The following CYFIP2 variants were observed in gnomAD, a reference collection of about 807,000 sequenced individuals.
The protein encoded by CYFIP2 is cytoplasmic FMR1-interacting protein 2.
Under a neutral mutation model 158.7 loss-of-function variants are expected in CYFIP2, and 29 were observed. The ratio of observed to expected loss-of-function variants is 0.18; its 90% confidence interval spans 0.14 to 0.25. The LOEUF (loss-of-function observed/expected upper bound fraction) is 0.25, where lower values mean the gene tolerates loss of function less well. Ranked by LOEUF, CYFIP2 falls within the 10% of genes least tolerant of loss-of-function variation. The pLI is 1.00. For synonymous variants in CYFIP2, 585 were observed against 617.6 expected (o/e 0.95, Z 0.78); for missense variants, 852 against 1,639.5 (o/e 0.52, Z 8.29).
chr5:157,327,548 G>A (rs901070645), intron 18 of CYFIP2, among the ~76,000 whole-genome samples: 2 of 147,548 alleles, frequency 1.4e-5, no homozygotes, highest in Non-Finnish European at 3.0e-5. Context: ...CTAGGTGACA[G>A]AGCAAGACTC....
chr5:157,311,704 A>G lies in CYFIP2; in HGVS notation c.1033A>G (p.Ile345Val). ...TQSSISPQYNICEQMVQIRDD... is the reference protein window; with the variant it reads ...TQSSISPQYNVCEQMVQIRDD... ...GAGCAGCATCAGCCCCCAGTACAAT[A>G]TCTGCGAGCAGATGGTTCAGATCCG... The change falls in exon 11 of 31, where the codon ATC becomes GTC. Residue 345 changes from isoleucine (I) to valine (V), a missense_variant. Transcript: ENST00000620254. The surrounding 1 kb of genome is among the most constrained non-coding windows in gnomAD (Gnocchi z 4.7). 1 of 1,610,962 alleles carries G rather than the reference A, an allele frequency of 6.2e-7. No individual in the cohort carries two copies.
intron 26 of CYFIP2, among the ~76,000 whole-genome samples, chr5:157,378,086 T>C (rs1765665220): frequency 6.6e-6 from 1 of 152,124 alleles, no homozygotes; most frequent in African/African-American, 2.4e-5. Context: ...TGGATAAGAC[T>C]GGGTAGAAAA....
At chr5:157,383,558 T>C in intron 28 of CYFIP2, 199 bp downstream of exon 28, 2 of 530,638 alleles carry the variant, frequency 3.8e-6, no homozygotes. Flanking sequence ...TGAGTGTTTC[T>C]TCTGTAGCCT....
rs537064320 is a variant in CYFIP2, at chr5:157,333,217, G to A, written c.2266-110G>A. ...TTCTCCAGGAAACCCCTCCCACCTG[G>A]CAGTCTCACTCCCACCTTGGTCCCC... On this transcript the variant is annotated intron_variant, in intron 20 of 30. Coordinates refer to ENST00000620254, the MANE Select transcript of CYFIP2 (RefSeq NM_001037333.3). The A allele has an allele frequency of 3.4e-5, 48 of 1,397,696 alleles. No homozygotes were observed. In the South Asian group the frequency reaches 5.2e-4, roughly 15 times the overall value. The allele number at this position is 1,397,696 out of a possible 1,614,324, so 86.6% of individuals were successfully genotyped here. A position where few individuals can be genotyped will look rare whatever the true frequency, so the allele number is the denominator to read the frequency against.
chr5:157,327,228 A>G (rs182503745), intron 18 of CYFIP2, among the ~76,000 whole-genome samples: 1 of 152,342 alleles, frequency 6.6e-6, no homozygotes, highest in East Asian at 1.9e-4. Context: ...TATGTAAGCA[A>G]AGTTTGAAGG....
In CYFIP2 at chr5:157,314,411, C is replaced by G; in HGVS notation, c.1178C>G (p.Ala393Gly). Residue 393 changes from alanine (A) to glycine (G), a missense_variant, in exon 12 of 31, where the codon GCC (alanine) becomes GGC (glycine). By Grantham distance (60) the Ala-to-Gly change is moderately conservative. Coordinates refer to ENST00000620254, the MANE Select transcript of CYFIP2 (RefSeq NM_001037333.3). ...DEEYRELFDLALRGLQLLSKW... is the reference protein window; with the variant it reads ...DEEYRELFDLGLRGLQLLSKW... ...GAGTATCGCGAGCTCTTCGACCTAG[C>G]CCTGCGGGGTCTGCAGCTTCTATCC... is the stretch of plus-strand genomic sequence containing the variant. 6.2e-7 allele frequency: 1 copy of G among 1,613,896 alleles called. No individual in the cohort carries two copies. The highest frequency in any genetic ancestry group is 8.5e-7 in the Non-Finnish European group (1 of 1,179,856).
chr5:157,268,782 G>A (rs564721411), intron 1 of CYFIP2, among the ~76,000 whole-genome samples: 1 of 152,312 alleles, frequency 6.6e-6, no homozygotes, highest in African/African-American at 2.4e-5. Context: ...CTTTATGAAA[G>A]GCTTTTGGTC....
chr5:157,377,733 G>T (rs7724362), intron 26 of CYFIP2, among the ~76,000 whole-genome samples: 11,373 of 152,160 alleles, frequency 0.075, 601 homozygotes, highest in Middle Eastern at 0.15. Context: ...AACCTTGTTG[G>T]GTATCTAGAT....
chr5:157,325,750 C>A, intron 17 of CYFIP2, 112 bp downstream of exon 17: 1 of 1,122,958 alleles, frequency 8.9e-7, no homozygotes, highest in Non-Finnish European at 1.2e-6. Context: ...AGAAATGAGG[C>A]CATATGTCCC....
At chr5:157,284,467 C>G (rs1757222590) in intron 1 of CYFIP2, among the ~76,000 whole-genome samples, 2 of 152,172 alleles carry the variant, frequency 1.3e-5, no homozygotes. Context: ...TGTAGGCCAT[C>G]ATTTTTGAAG....
At chr5:157,299,898 TCAAAA>T (rs763119891) in intron 5 of CYFIP2, among the ~76,000 whole-genome samples, 7 of 152,232 alleles carry the variant, frequency 4.6e-5, no homozygotes, top group East Asian at 1.9e-4. Flanking sequence ...AAACTCCATC[TCAAAA>T]CAAAACAAAA....
At chr5:157,306,646 C>G (rs1759250839) in intron 8 of CYFIP2, among the ~76,000 whole-genome samples, 1 of 152,140 alleles carries the variant, frequency 6.6e-6, no homozygotes, top group Non-Finnish European at 1.5e-5. Context: ...TTTGGGAGGC[C>G]AAGGCAGGGG....
intron 26 of CYFIP2, among the ~76,000 whole-genome samples, chr5:157,372,306 GC>G (rs1314654320): frequency 6.6e-6 from 1 of 152,052 alleles, no homozygotes; most frequent in Non-Finnish European, 1.5e-5. Flanking sequence ...GGTATTTAAG[GC>G]TGAAGTGACT....
rs185099179 is a variant in CYFIP2 at position 157,342,754 on chromosome 5, G to A, written c.2673+1597G>A. ...CCAACCCAGGTGACCTACAATAGCA[G>A]TGACGTTTGATGGGAGAGAAATGGG... On this transcript the variant is annotated intron_variant, in intron 23 of 30. Transcript: ENST00000620254. 4.4e-6 allele frequency: 5 copies of A among 1,130,498 alleles called. No individual in the cohort carries two copies. In the African/African-American group the frequency reaches 7.8e-5, roughly 18 times the overall value. 70.0% of individuals were successfully genotyped at this position (1,130,498 alleles called of 1,614,324 possible).
At chr5:157,337,373 T>C (rs983583196) in intron 21 of CYFIP2, among the ~76,000 whole-genome samples, 2 of 152,098 alleles carry the variant, frequency 1.3e-5, no homozygotes, top group Non-Finnish European at 2.9e-5. Flanking sequence ...ATGGCAGCGG[T>C]CAGACGGGGT....
chr5:157,297,662 C>T (rs1240488844), intron 5 of CYFIP2, among the ~76,000 whole-genome samples: 1 of 152,144 alleles, frequency 6.6e-6, no homozygotes, highest in Non-Finnish European at 1.5e-5. Context: ...GAGGTATTTA[C>T]AGAAGGGAGG....
At chr5:157,331,659 A>G (rs188726366) in intron 20 of CYFIP2, among the ~76,000 whole-genome samples, 1 of 152,236 alleles carries the variant, frequency 6.6e-6, no homozygotes, top group African/African-American at 2.4e-5. Flanking sequence ...TCTGTCAACA[A>G]CAGGGGCTCA....
chr5:157,358,026 G>A (rs955416441), intron 23 of CYFIP2, among the ~76,000 whole-genome samples: 1 of 152,104 alleles, frequency 6.6e-6, no homozygotes, highest in African/African-American at 2.4e-5. Flanking sequence ...TGTGAAATGG[G>A]GCTAATAATG....
At chr5:157,352,307 T>C (rs2113316623) in intron 23 of CYFIP2, among the ~76,000 whole-genome samples, 1 of 152,260 alleles carries the variant, frequency 6.6e-6, no homozygotes, top group Middle Eastern at 3.4e-3. Context: ...GTGCCTCCCT[T>C]GTTAAATCAT....
Sources: allele counts gnomAD v4.1 joint callset (sites outside exome capture counted in the v4.1 genomes callset), GRCh38; gene constraint gnomAD v4.1.1; non-coding constraint Gnocchi (gnomAD v3.1); transcripts MANE v1.5; gene names NCBI Gene and HGNC (gene_info 2026-07-23, HGNC 2026-07-21).